PCDH15: variants seen among roughly 807,000 people sequenced by gnomAD.
The protein encoded by PCDH15 is protocadherin related 15.
Under a neutral mutation model 178.5 loss-of-function variants are expected in PCDH15, and 129 were observed. That is an observed-to-expected ratio of 0.72 (90% CI 0.63 to 0.84). PCDH15 has a LOEUF of 0.84. PCDH15 is among the 40% of genes least tolerant of loss of function. PCDH15 has a pLI of 0.00. For synonymous variants in PCDH15, 800 were observed against 732.0 expected (o/e 1.09, Z -1.50); for missense variants, 2,230 against 2,099.9 (o/e 1.06, Z -1.21).
chr10:55,239,812 A>G (rs1254485420), intron 1 of PCDH15, among the ~76,000 whole-genome samples: 1 of 152,188 alleles, frequency 6.6e-6, no homozygotes, highest in Non-Finnish European at 1.5e-5. Flanking sequence ...TAAGCAGACT[A>G]TATAAGGAGC....
At chr10:54,455,460 T>C (rs1228762726) in intron 3 of PCDH15, among the ~76,000 whole-genome samples, 14 of 152,144 alleles carry the variant, frequency 9.2e-5, no homozygotes, top group Admixed American at 8.5e-4. Context: ...GAGGTCTTGA[T>C]GGAGATAAGG....
intron 2 of PCDH15, among the ~76,000 whole-genome samples, chr10:55,006,883 A>T (rs919237375): frequency 6.6e-6 from 1 of 152,054 alleles, no homozygotes; most frequent in African/African-American, 2.4e-5. Context: ...CAATGCCTAT[A>T]CATTCCATTT....
intron 2 of PCDH15, among the ~76,000 whole-genome samples, chr10:55,379,329 T>C (rs56317956): frequency 6.6e-6 from 1 of 151,714 alleles, no homozygotes; most frequent in Non-Finnish European, 1.5e-5. Flanking sequence ...AGTCCAGGAG[T>C]GTAGAACTAT....
intron 8 of PCDH15, among the ~76,000 whole-genome samples, chr10:54,275,440 CA>C (rs1222771637): frequency 6.6e-6 from 1 of 151,808 alleles, no homozygotes; most frequent in Non-Finnish European, 1.5e-5. Flanking sequence ...TCATTCACAA[CA>C]ATCTAGATCC....
intron 3 of PCDH15, among the ~76,000 whole-genome samples, chr10:54,411,424 T>G (rs1953497758): frequency 6.6e-6 from 1 of 152,094 alleles, no homozygotes. Flanking sequence ...TTCAGAAAAA[T>G]GTTAATTCCT....
intron 13 of PCDH15, among the ~76,000 whole-genome samples, chr10:54,155,883 G>A (rs180982935): frequency 6.6e-6 from 1 of 151,830 alleles, no homozygotes; most frequent in Admixed American, 6.6e-5. Context: ...GAATGGAGTT[G>A]TAGTTGCTAA....
At chr10:54,779,462 G>A (rs369677354) in intron 1 of PCDH15, among the ~76,000 whole-genome samples, 19 of 38,584 alleles carry the variant, frequency 4.9e-4, no homozygotes, top group Middle Eastern at 0.014. Context: ...TCATATATGT[G>A]TGTATATATA....
intron 11 of PCDH15, among the ~76,000 whole-genome samples, chr10:54,189,925 ATGTGTGTGTGTGTG>A (rs57024579): frequency 2.6e-4 from 37 of 141,574 alleles, no homozygotes; most frequent in Non-Finnish European, 4.7e-4. Context: ...ATGCATGTGT[ATGTGTGTGTGTGTG>A]TGTGTGTGTG....
At chr10:54,923,804 C>T (rs921436438) in intron 2 of PCDH15, among the ~76,000 whole-genome samples, 1 of 138,022 alleles carries the variant, frequency 7.2e-6, no homozygotes, top group Non-Finnish European at 1.7e-5. Flanking sequence ...TTGTGTGCAA[C>T]AATTTAAAAT....
At chr10:54,611,256 A>C (rs2092951270) in intron 2 of PCDH15, among the ~76,000 whole-genome samples, 1 of 151,846 alleles carries the variant, frequency 6.6e-6, no homozygotes, top group African/African-American at 2.4e-5. Context: ...AAGCAAAGAT[A>C]TGTATCAGTA....
At chr10:53,947,438 AC>A (rs1276894918) in intron 23 of PCDH15, among the ~76,000 whole-genome samples, 3 of 152,154 alleles carry the variant, frequency 2.0e-5, no homozygotes, top group Non-Finnish European at 4.4e-5. Context: ...GTACTAAGAG[AC>A]AAATCTAATT....
intron 2 of PCDH15, among the ~76,000 whole-genome samples, chr10:55,380,546 T>C (rs1045183219): frequency 6.6e-6 from 1 of 152,096 alleles, no homozygotes; most frequent in African/African-American, 2.4e-5. Context: ...GCCCCCTTAG[T>C]GGGTGAAGCT....
intron 28 of PCDH15, among the ~76,000 whole-genome samples, chr10:53,841,965 A>AC (rs1255335842): frequency 1.3e-5 from 2 of 150,582 alleles, no homozygotes; most frequent in South Asian, 2.1e-4. Context: ...AAAAAAAAAA[A>AC]CAACCCCGGG....
intron 2 of PCDH15, chr10:54,606,509 G>GC (rs1243937559): frequency 1.3e-5 from 2 of 152,080 alleles, no homozygotes; most frequent in Non-Finnish European, 2.9e-5. Flanking sequence ...TCTCTAGTTT[G>GC]TGTCCTTCTT....
intron 2 of PCDH15, among the ~76,000 whole-genome samples, chr10:54,639,364 G>A (rs10825369): frequency 0.43 from 64,834 of 151,740 alleles, 14,871 homozygotes; most frequent in Non-Finnish European, 0.53. Context: ...AATCTTATTT[G>A]GTCAGAGAGT....
intron 25 of PCDH15, among the ~76,000 whole-genome samples, chr10:53,934,750 C>T (rs1399361100): frequency 6.6e-6 from 1 of 152,142 alleles, no homozygotes; most frequent in Non-Finnish European, 1.5e-5. Context: ...TAAAATTACT[C>T]TCTTGGCTAT....
intron 2 of PCDH15, among the ~76,000 whole-genome samples, chr10:55,617,204 A>C (rs868039467): frequency 6.6e-6 from 1 of 152,066 alleles, no homozygotes; most frequent in South Asian, 2.1e-4. Context: ...TAGTTTTCCT[A>C]TTCCTGTATC....
intron 32 of PCDH15, among the ~76,000 whole-genome samples, chr10:53,826,042 C>CTTTT (rs1022930176): frequency 6.6e-6 from 1 of 151,108 alleles, no homozygotes; most frequent in African/African-American, 2.4e-5. Flanking sequence ...ACACATAATC[C>CTTTT]TTTTTTTTAG....
intron 23 of PCDH15, among the ~76,000 whole-genome samples, chr10:53,953,645 T>C (rs1156524166): frequency 1.3e-5 from 2 of 152,202 alleles, no homozygotes; most frequent in Non-Finnish European, 2.9e-5. Context: ...ATCATTTTCC[T>C]TGAGAAATGT....
Sources: allele counts gnomAD v4.1 joint callset (sites outside exome capture counted in the v4.1 genomes callset), GRCh38; gene constraint gnomAD v4.1.1; transcripts MANE v1.5; gene names NCBI Gene and HGNC (gene_info 2026-07-23, HGNC 2026-07-21).